The following ITGA6 variants were observed in gnomAD, a reference collection of about 807,000 sequenced individuals.
ITGA6 encodes integrin subunit alpha 6, also known as integrin alpha-6.
In ITGA6, 63 loss-of-function variants were observed where a neutral mutation model predicts 133.6. The ratio of observed to expected loss-of-function variants is 0.47; its 90% CI spans 0.38 to 0.58. The LOEUF (loss-of-function observed/expected upper bound fraction) is 0.58, where lower values mean the gene tolerates loss of function less well. Among genes scored for constraint, ITGA6 ranks in the 20% least tolerant of loss-of-function variants. The pLI is 0.00. For synonymous variants in ITGA6, 434 were observed against 482.0 expected, an observed-to-expected ratio of 0.90 and a Z score of 1.30; for missense variants, 1,068 against 1,309.4, an observed-to-expected ratio of 0.82 and a Z score of 2.85.
chr2:172,497,918 C>T (rs1338069446), intron 23 of ITGA6, 57 bp from the exon 24 acceptor site: 3 of 1,602,072 alleles, frequency 1.9e-6, no homozygotes, highest in Admixed American at 3.3e-5. Context: ...CCATAAACTC[C>T]TGGTGTGAAC....
chr2:172,499,944 T>C (rs957188452), intron 24 of ITGA6, among the ~76,000 whole-genome samples: 3 of 152,204 alleles, frequency 2.0e-5, no homozygotes, highest in Non-Finnish European at 2.9e-5. Flanking sequence ...GTTTTTGTTT[T>C]TTTGAAGCTC....
At chr2:172,477,512 C>G (rs1033996334) in intron 9 of ITGA6, among the ~76,000 whole-genome samples, 1 of 152,218 alleles carries the variant, frequency 6.6e-6, no homozygotes, top group Non-Finnish European at 1.5e-5. Context: ...ACTGTAACTT[C>G]TGCTGTCTAA....
intron 1 of ITGA6, among the ~76,000 whole-genome samples, chr2:172,432,249 C>A (rs1022414967): frequency 6.6e-6 from 1 of 152,200 alleles, no homozygotes; most frequent in South Asian, 2.1e-4. Flanking sequence ...AAAATTTCCC[C>A]ATCCTACACT....
chr2:172,469,305 C>G lies in ITGA6; in HGVS notation c.568C>G (p.Gln190Glu). Residue 190 changes from glutamine (Q) to glutamate (E), a missense_variant, in exon 4 of 26, where the codon CAA (glutamine) becomes GAA (glutamate). Around this residue, in one of 3 missense-constraint regions of ITGA6, gnomAD observed 317 missense variants for 456.9 expected, o/e 0.69. Transcript: ENST00000684293. Reference sequence around the variant, plus strand: ...CCATGAGAAATTTGGCTCTTGCCAGCAAGGTGTAGCAGCTACTTTTACTAA... The same window carrying G: ...CCATGAGAAATTTGGCTCTTGCCAGGAAGGTGTAGCAGCTACTTTTACTAA... ...RGHEKFGSCQ[Q>E]GVAATFTKDF... The G allele has an allele frequency of 1.2e-6, 2 of 1,614,078 alleles. No homozygotes were observed. Among genetic ancestry groups the G allele is most frequent in the Non-Finnish European group, 1.7e-6 (2 of 1,179,970 alleles).
chr2:172,493,000 C>T (rs1184747942), intron 23 of ITGA6, among the ~76,000 whole-genome samples: 1 of 152,170 alleles, frequency 6.6e-6, no homozygotes. Context: ...CCTTGAATGC[C>T]TGGGCTCAAG....
At chr2:172,477,790 C>T (rs1686242268) in intron 9 of ITGA6, among the ~76,000 whole-genome samples, 1 of 152,200 alleles carries the variant, frequency 6.6e-6, no homozygotes, top group Non-Finnish European at 1.5e-5. Flanking sequence ...AGGCCCAGGA[C>T]TTGGCTTGAG....
intron 11 of ITGA6, among the ~76,000 whole-genome samples, chr2:172,482,225 C>T (rs558438570): frequency 1.2e-3 from 177 of 152,280 alleles, no homozygotes; most frequent in Admixed American, 4.4e-3. Flanking sequence ...TATGGATGGC[C>T]TTTTATGGGT....
Position 172,427,707 on chromosome 2 carries a change from C to T in ITGA6, c.-82C>T. Reference sequence around the variant, plus strand: ...GAGGAGGCGAAGGTGGCTGCGGTAGCAGCAGCGCGGCAGCCTCGGACCCAG... The same window carrying T: ...GAGGAGGCGAAGGTGGCTGCGGTAGTAGCAGCGCGGCAGCCTCGGACCCAG... On this transcript the variant is annotated 5_prime_UTR_variant, in exon 1 of 26. Transcript: ENST00000684293. 7.2e-7 allele frequency: 1 copy of T among 1,392,928 alleles called. No homozygotes were observed. Among genetic ancestry groups the T allele is most frequent in the Non-Finnish European group, 9.3e-7 (1 of 1,074,354 alleles). The allele number at this position is 1,392,928 out of a possible 1,614,324, so 86.3% of individuals were successfully genotyped here.
chr2:172,498,335 TCA>T (rs1415474275), intron 24 of ITGA6, among the ~76,000 whole-genome samples: 5 of 152,222 alleles, frequency 3.3e-5, no homozygotes, highest in Non-Finnish European at 5.9e-5. Flanking sequence ...CATTTGTCTC[TCA>T]CACATAATTT....
chr2:172,473,993 A>C, intron 5 of ITGA6, 62 bp from the exon 6 acceptor site: 4 of 1,173,860 alleles, frequency 3.4e-6, no homozygotes, highest in Non-Finnish European at 5.1e-6. Context: ...TGGAGTTACC[A>C]ATGTCATAGG....
intron 1 of ITGA6, among the ~76,000 whole-genome samples, chr2:172,457,742 A>T (rs1474900713): frequency 6.6e-6 from 1 of 152,186 alleles, no homozygotes; most frequent in African/African-American, 2.4e-5. Context: ...GGGGAAAGGC[A>T]TCCCCCTTCA....
chr2:172,457,942 G>T (rs1685279364), intron 1 of ITGA6, among the ~76,000 whole-genome samples: 1 of 152,146 alleles, frequency 6.6e-6, no homozygotes, highest in Admixed American at 6.5e-5. Context: ...GCAGGGGAAG[G>T]AGCCAAGTCT....
rs946601445 is a variant in ITGA6 at position 172,455,215 on chromosome 2, C to T, written c.183-10324C>T. 3.3e-5 allele frequency among the ~76,000 whole-genome samples: 5 copies of T among 152,208 alleles called. No homozygotes were observed. The East Asian group carries it at 7.7e-4, about 23-fold the overall frequency. Reference sequence around the variant, plus strand: ...AAAACATCCTGCCTACCCAACTCAACGTCTCATTGCATAGGTGGGTGTTAC... The same window carrying T: ...AAAACATCCTGCCTACCCAACTCAATGTCTCATTGCATAGGTGGGTGTTAC... On this transcript the variant is annotated intron_variant, in intron 1 of 25. Transcript: ENST00000684293.
At position 172,498,507 on chromosome 2, in the gene ITGA6, T is replaced by C. The variant is rs189499056; in HGVS notation, c.3114+407T>C. On this transcript the variant is annotated intron_variant, in intron 24 of 25. Transcript: ENST00000684293. ...CTGTGAAGAATGTTCATAGCAGCCATTGGTGTTGGTTATGCTTACAGCTAG... is the reference window on the plus strand; with the variant it reads ...CTGTGAAGAATGTTCATAGCAGCCACTGGTGTTGGTTATGCTTACAGCTAG... Among the ~76,000 whole-genome samples the C allele has an allele frequency of 1.0e-3, 158 of 152,292 alleles. 1 individual carries two copies. Among genetic ancestry groups the C allele is most frequent in the Admixed American group, 3.6e-3 (55 of 15,290 alleles).
chr2:172,459,522 T>C (rs1215764532), intron 1 of ITGA6, among the ~76,000 whole-genome samples: 1 of 152,076 alleles, frequency 6.6e-6, no homozygotes, highest in Non-Finnish European at 1.5e-5. Context: ...AGTTACCCTT[T>C]TGAGAGTCAG....
intron 1 of ITGA6, among the ~76,000 whole-genome samples, chr2:172,437,691 G>A (rs1171163897): frequency 6.6e-6 from 1 of 152,180 alleles, no homozygotes; most frequent in South Asian, 2.1e-4. Flanking sequence ...AGGTTTGATT[G>A]GTGATGCAAG....
intron 2 of ITGA6, among the ~76,000 whole-genome samples, chr2:172,466,295 G>C (rs894293139): frequency 6.6e-6 from 1 of 152,162 alleles, no homozygotes; most frequent in Non-Finnish European, 1.5e-5. Flanking sequence ...TCGTGTCTAT[G>C]TTCTTCTCTT....
chr2:172,470,827 A>G (rs1258738451), intron 4 of ITGA6, 147 bp from the exon 5 acceptor site: 2 of 756,928 alleles, frequency 2.6e-6, no homozygotes, highest in Non-Finnish European at 4.3e-6. Flanking sequence ...TTTTACAACC[A>G]TAAAAGTCAT....
At chr2:172,483,839 T>C (rs1355502906) in intron 11 of ITGA6, among the ~76,000 whole-genome samples, 4 of 152,196 alleles carry the variant, frequency 2.6e-5, no homozygotes, top group Admixed American at 2.6e-4. Flanking sequence ...TGAGAAAGTT[T>C]TGCTCTTGTT....
Sources: allele counts gnomAD v4.1 joint callset (sites outside exome capture counted in the v4.1 genomes callset), GRCh38; gene constraint gnomAD v4.1.1; regional missense constraint gnomAD v4.1.1; transcripts MANE v1.5; gene names NCBI Gene and HGNC (gene_info 2026-07-23, HGNC 2026-07-21).